PIBF1: variants seen among roughly 807,000 people sequenced by gnomAD.
PIBF1 encodes the protein progesterone-induced-blocking factor 1.
A neutral mutation model predicts 112.5 loss-of-function variants in PIBF1; 90 were observed. The observed-to-expected ratio is 0.80, with a 90% CI of 0.67 to 0.95. The LOEUF (loss-of-function observed/expected upper bound fraction) is 0.95. PIBF1 is among the 40% of genes least tolerant of loss of function. PIBF1 has a pLI of 0.00. For synonymous variants in PIBF1, 301 were observed against 288.6 expected, an observed-to-expected ratio of 1.04 and a Z score of -0.44; for missense variants, 915 against 852.3, an observed-to-expected ratio of 1.07 and a Z score of -0.92.
chr13:72,998,766 T>C, intron 16 of PIBF1, 56 bp from the exon 17 acceptor site: 2 of 1,153,256 alleles, frequency 1.7e-6, no homozygotes, highest in South Asian at 1.4e-5. Flanking sequence ...TAATCATTAT[T>C]AGTCTGCTTG....
rs922769254 is a variant in PIBF1 at position 72,867,702 on chromosome 13, G to A, written c.1322+13547G>A. Among the ~76,000 whole-genome samples, 6 of 152,232 alleles carry A rather than the reference G, an allele frequency of 3.9e-5. No homozygotes were observed. The South Asian group carries it at 6.2e-4, about 16-fold the overall frequency. On this transcript the variant is annotated intron_variant, in intron 10 of 17. Transcript: ENST00000326291. ...GCATCTTTTTGTAAATTATAAAGAA[G>A]ATCCATGTGTTTTAAAATTGATGTG...
chr13:72,967,193 C>T (rs9592873), intron 15 of PIBF1, among the ~76,000 whole-genome samples: 41,628 of 151,820 alleles, frequency 0.27, 6,847 homozygotes, highest in East Asian at 0.48. Context: ...CTCGGCCTCC[C>T]GAAGTGCTAG....
chr13:72,956,167 G>A (rs1034515301), intron 14 of PIBF1, among the ~76,000 whole-genome samples: 1 of 152,022 alleles, frequency 6.6e-6, no homozygotes, highest in Non-Finnish European at 1.5e-5. Context: ...ATATCAACTA[G>A]GCCCTTAACT....
chr13:72,977,276 C>T (rs918146360), intron 16 of PIBF1, among the ~76,000 whole-genome samples: 1 of 152,196 alleles, frequency 6.6e-6, no homozygotes, highest in African/African-American at 2.4e-5. Flanking sequence ...GCTATTTCGG[C>T]TCAGCGCAAC....
intron 10 of PIBF1, among the ~76,000 whole-genome samples, chr13:72,863,571 T>C (rs905459135): frequency 1.4e-5 from 2 of 145,936 alleles, no homozygotes; most frequent in Non-Finnish European, 3.0e-5. Flanking sequence ...GGCAGGAGAA[T>C]GGCGTGAACC....
chr13:72,960,122 ATAAAG>A (rs2042565868), intron 14 of PIBF1, among the ~76,000 whole-genome samples: 1 of 152,228 alleles, frequency 6.6e-6, no homozygotes, highest in African/African-American at 2.4e-5. Context: ...AAACAGGTTT[ATAAAG>A]AAATGTATCT....
intron 2 of PIBF1, among the ~76,000 whole-genome samples, chr13:72,792,193 G>C (rs560721117): frequency 6.6e-6 from 1 of 152,138 alleles, no homozygotes; most frequent in South Asian, 2.1e-4. Flanking sequence ...CTACTCAGGA[G>C]GCTGGGGCAG....
intron 14 of PIBF1, among the ~76,000 whole-genome samples, chr13:72,963,094 G>A (rs2042649022): frequency 6.6e-6 from 1 of 152,148 alleles, no homozygotes; most frequent in African/African-American, 2.4e-5. Context: ...GCAAAAGAAT[G>A]AAGTTGGACC....
intron 14 of PIBF1, among the ~76,000 whole-genome samples, chr13:72,946,710 A>G (rs80233458): frequency 0.019 from 2,899 of 152,334 alleles, 113 homozygotes; most frequent in African/African-American, 0.065. Context: ...TACAGGCCCC[A>G]TGTTAAGTCC....
rs772888331 is a variant in PIBF1, at chr13:72,893,744, T to C, written c.1323-40T>C. 4.5e-6 allele frequency: 6 copies of C among 1,321,474 alleles called. No homozygotes were observed. The African/African-American group carries it at 7.5e-5, about 17-fold the overall frequency. 81.9% of individuals were successfully genotyped at this position (1,321,474 alleles called of 1,614,324 possible). On this transcript the variant is annotated intron_variant, in intron 10 of 17. Transcript: ENST00000326291. ...TTATGATTACTTAAATCATTGAGACTGCTTTCTTTAGAGTGTCATAACCAT... is the reference window on the plus strand; with the variant it reads ...TTATGATTACTTAAATCATTGAGACCGCTTTCTTTAGAGTGTCATAACCAT...
At chr13:72,782,551 A>G (rs2034327857) in intron 1 of PIBF1, among the ~76,000 whole-genome samples, 1 of 152,132 alleles carries the variant, frequency 6.6e-6, no homozygotes, top group Non-Finnish European at 1.5e-5. Flanking sequence ...CGATCTTAGT[A>G]TAGTTCTCGC....
intron 9 of PIBF1, 58 bp downstream of exon 9, chr13:72,835,426 T>C (rs2037314103): frequency 1.5e-6 from 2 of 1,315,910 alleles, no homozygotes; most frequent in East Asian, 5.0e-5. Context: ...TTTTAGAAGC[T>C]TTATTGAAAT....
At chr13:72,927,962 C>A (rs5028593) in intron 13 of PIBF1, among the ~76,000 whole-genome samples, 1 of 101,362 alleles carries the variant, frequency 9.9e-6, no homozygotes, top group Non-Finnish European at 1.9e-5. Flanking sequence ...TATATATACA[C>A]ATATATATAT....
intron 9 of PIBF1, among the ~76,000 whole-genome samples, chr13:72,852,646 G>C (rs1000465617): frequency 6.6e-6 from 1 of 152,210 alleles, no homozygotes; most frequent in African/African-American, 2.4e-5. Context: ...CAAGGATCCT[G>C]TGACAGCACC....
At chr13:72,958,039 G>C (rs1242922105) in intron 14 of PIBF1, among the ~76,000 whole-genome samples, 5 of 151,820 alleles carry the variant, frequency 3.3e-5, no homozygotes, top group Admixed American at 3.3e-4. Context: ...AGACTGAAGT[G>C]GGAAAATCTC....
At chr13:72,830,884 G>T (rs938222623) in intron 8 of PIBF1, among the ~76,000 whole-genome samples, 5 of 152,090 alleles carry the variant, frequency 3.3e-5, no homozygotes, top group African/African-American at 1.2e-4. Context: ...GAATTCAGCT[G>T]GGAATCCATC....
rs199882136 is a variant in PIBF1, at chr13:72,983,264, C to CA, written c.2049+9590dup. 7.6e-3 allele frequency among the ~76,000 whole-genome samples: 1,154 copies of CA among 152,122 alleles called. 14 individuals are homozygous for CA. The highest frequency in any genetic ancestry group is 0.014 in the Middle Eastern group (4 of 294). ...GCAGTGAGTCATGATTGCACCACTGCACTCCAGCCTGGGCAACAGAGCGAG... is the reference window on the plus strand; with the variant it reads ...GCAGTGAGTCATGATTGCACCACTGCAACTCCAGCCTGGGCAACAGAGCGAG... On this transcript the variant is annotated intron_variant, in intron 16 of 17. Coordinates refer to ENST00000326291, the MANE Select transcript of PIBF1 (RefSeq NM_006346.4).
chr13:72,987,854 ATTTATTTTTTTTTTTTT>A (rs1281693591), intron 16 of PIBF1, among the ~76,000 whole-genome samples: 1 of 58,668 alleles, frequency 1.7e-5, no homozygotes, highest in Non-Finnish European at 2.9e-5. Context: ...TTATTTATTT[ATTTATTTTTTTTTTTTT>A]TTTTTTTTTT....
chr13:72,987,905 C>T (rs1315050810), intron 16 of PIBF1, among the ~76,000 whole-genome samples: 1 of 127,746 alleles, frequency 7.8e-6, no homozygotes, highest in African/African-American at 3.2e-5. Flanking sequence ...GCTCTGTCGC[C>T]AGACTGGAGT....
Sources: gnomAD v4.1 joint callset for allele counts (sites outside exome capture counted in the v4.1 genomes callset) on GRCh38, gnomAD v4.1.1 for gene constraint, MANE v1.5 for transcripts, NCBI Gene and HGNC (gene_info 2026-07-23, HGNC 2026-07-21) for gene names.